Variants in SGCZ observed in about 807,000 individuals in gnomAD.
The protein encoded by SGCZ is zeta-sarcoglycan.
In SGCZ, 40 loss-of-function variants were observed where a neutral mutation model predicts 41.3. That is an observed-to-expected ratio of 0.97 (90% CI 0.75 to 1.26). The LOEUF is 1.26. Ranked by LOEUF, SGCZ falls within the 50% of genes most tolerant of loss-of-function variation. SGCZ has a pLI of 0.00. For missense variants in SGCZ, 552 were observed against 369.8 expected, an observed-to-expected ratio of 1.49 and a Z score of -4.04; for synonymous variants, 206 against 137.5, an observed-to-expected ratio of 1.50 and a Z score of -3.49.
chr8:14,993,225 G>A (rs919023383), intron 1 of SGCZ, among the ~76,000 whole-genome samples: 1 of 152,032 alleles, frequency 6.6e-6, no homozygotes. Context: ...CATTATTCTT[G>A]TATGCCAGGT....
At chr8:14,207,686 A>G (rs1417883068) in intron 4 of SGCZ, among the ~76,000 whole-genome samples, 2 of 151,914 alleles carry the variant, frequency 1.3e-5, no homozygotes, top group Non-Finnish European at 2.9e-5. Flanking sequence ...GTATGTGTAG[A>G]TTGCCAAATA....
At chr8:14,190,286 A>G (rs1360375178) in intron 4 of SGCZ, among the ~76,000 whole-genome samples, 1 of 152,004 alleles carries the variant, frequency 6.6e-6, no homozygotes, top group Non-Finnish European at 1.5e-5. Context: ...TGCCAGGATT[A>G]CAGGCGTGAG....
intron 2 of SGCZ, among the ~76,000 whole-genome samples, chr8:14,362,175 T>C (rs953712785): frequency 5.3e-5 from 8 of 152,174 alleles, no homozygotes; most frequent in South Asian, 2.1e-4. Flanking sequence ...CTGTCCATTA[T>C]TGATGTTCGC....
Position 14,716,124 on chromosome 8 carries a change from C to G in SGCZ, c.40-161198G>C, listed in dbSNP as rs148597641. Among the ~76,000 whole-genome samples the G allele has an allele frequency of 9.6e-3, 1,459 of 152,084 alleles. 17 individuals carry two copies. The highest frequency in any genetic ancestry group is 0.031 in the Middle Eastern group (9 of 294). The stretch of plus-strand genomic sequence containing the variant: ...GTGGAACCTAGAAATTAATTACCTT[C>G]TTACCTTAGAAAAGAGAAAAGAATG... On this transcript the variant is annotated intron_variant, in intron 1 of 7. Coordinates refer to ENST00000382080, the MANE Select transcript of SGCZ (RefSeq NM_139167.4).
At chr8:14,347,316 T>C (rs1037305830) in intron 2 of SGCZ, among the ~76,000 whole-genome samples, 1 of 152,104 alleles carries the variant, frequency 6.6e-6, no homozygotes, top group African/African-American at 2.4e-5. Context: ...TGAGGATTCC[T>C]ACAATAATTT....
chr8:14,734,974 A>T (rs1166781704), intron 1 of SGCZ, among the ~76,000 whole-genome samples: 1 of 152,166 alleles, frequency 6.6e-6, no homozygotes, highest in Non-Finnish European at 1.5e-5. Flanking sequence ...CTTGTTATCT[A>T]TGTAGTGGAG....
intron 1 of SGCZ, among the ~76,000 whole-genome samples, chr8:14,771,814 G>A (rs1222476745): frequency 6.6e-6 from 1 of 151,994 alleles, no homozygotes; most frequent in African/African-American, 2.4e-5. Context: ...TAAATAATTT[G>A]CATTGAATAC....
intron 4 of SGCZ, among the ~76,000 whole-genome samples, chr8:14,211,939 T>C (rs1005591143): frequency 1.3e-5 from 2 of 152,124 alleles, no homozygotes; most frequent in African/African-American, 4.8e-5. Flanking sequence ...AGCTGTGCCA[T>C]ACCCAGAAAG....
At chr8:15,052,349 G>A (rs1295548614) in intron 1 of SGCZ, among the ~76,000 whole-genome samples, 1 of 152,204 alleles carries the variant, frequency 6.6e-6, no homozygotes, top group Non-Finnish European at 1.5e-5. Context: ...GGCATTTGCT[G>A]AAAGCAGGTT....
chr8:15,192,599 A>T lies in SGCZ; in HGVS notation c.39+44986T>A, dbSNP rs555775857. Among the ~76,000 whole-genome samples, 109 of 152,282 alleles carry T rather than the reference A, an allele frequency of 7.2e-4. 1 individual carries two copies. The South Asian group carries it at 0.017, about 23-fold the overall frequency. Reference sequence around the variant, plus strand: ...AGGGACAGCCACTAACGACTAATCCAAAGTCTCTTTCTGGTTTACTGGCAT... The same window carrying T: ...AGGGACAGCCACTAACGACTAATCCTAAGTCTCTTTCTGGTTTACTGGCAT... On this transcript the variant is annotated intron_variant, in intron 1 of 7. Transcript: ENST00000382080.
chr8:14,446,274 TA>T (rs1800430366), intron 2 of SGCZ, among the ~76,000 whole-genome samples: 1 of 152,208 alleles, frequency 6.6e-6, no homozygotes, highest in Non-Finnish European at 1.5e-5. Context: ...ACACTGGTTT[TA>T]CCTACTGCTG....
At chr8:14,415,720 T>C (rs1799474738) in intron 2 of SGCZ, among the ~76,000 whole-genome samples, 1 of 151,914 alleles carries the variant, frequency 6.6e-6, no homozygotes, top group Non-Finnish European at 1.5e-5. Context: ...GAATAACAGT[T>C]GAGAACATAT....
chr8:14,387,621 A>G (rs1804621581), intron 2 of SGCZ, among the ~76,000 whole-genome samples: 1 of 152,148 alleles, frequency 6.6e-6, no homozygotes, highest in Non-Finnish European at 1.5e-5. Context: ...TTTTAAATGA[A>G]TATTTGCAAT....
chr8:14,307,873 T>C (rs1489431596), intron 3 of SGCZ, among the ~76,000 whole-genome samples: 1 of 152,098 alleles, frequency 6.6e-6, no homozygotes, highest in Non-Finnish European at 1.5e-5. Context: ...GAGTAAGTGG[T>C]CTATTTTGCA....
chr8:14,884,303 C>A (rs1300451896), intron 1 of SGCZ, among the ~76,000 whole-genome samples: 1 of 152,050 alleles, frequency 6.6e-6, no homozygotes, highest in African/African-American at 2.4e-5. Flanking sequence ...CCTTATTGGG[C>A]TGAGTATATA....
At chr8:14,751,188 T>C (rs1227286600) in intron 1 of SGCZ, among the ~76,000 whole-genome samples, 2 of 152,210 alleles carry the variant, frequency 1.3e-5, no homozygotes, top group Admixed American at 6.5e-5. Flanking sequence ...ATCAGGAATA[T>C]AGTTCGTAAG....
chr8:15,222,185 C>A (rs1237213247), intron 1 of SGCZ, among the ~76,000 whole-genome samples: 1 of 152,006 alleles, frequency 6.6e-6, no homozygotes, highest in Non-Finnish European at 1.5e-5. Flanking sequence ...CTAAAGGGGG[C>A]TAAATAAAAA....
intron 1 of SGCZ, among the ~76,000 whole-genome samples, chr8:14,576,273 A>C (rs2117244373): frequency 6.6e-6 from 1 of 152,312 alleles, no homozygotes; most frequent in South Asian, 2.1e-4. Context: ...GGGTGAGAGA[A>C]AAAATGATGA....
chr8:15,077,941 A>C (rs1805600184), intron 1 of SGCZ, among the ~76,000 whole-genome samples: 1 of 150,356 alleles, frequency 6.7e-6, no homozygotes, highest in Admixed American at 6.6e-5. Flanking sequence ...AAGTGTTTAC[A>C]CGAGATGTTT....
Sources: allele counts gnomAD v4.1 joint callset (sites outside exome capture counted in the v4.1 genomes callset), GRCh38; gene constraint gnomAD v4.1.1; transcripts MANE v1.5; gene names NCBI Gene and HGNC (gene_info 2026-07-23, HGNC 2026-07-21).